DPP10: variants seen among roughly 807,000 people sequenced by gnomAD.
DPP10 encodes dipeptidyl peptidase like 10.
A neutral mutation model predicts 120.9 loss-of-function variants in DPP10; 33 were observed. That is an observed-to-expected ratio of 0.27 (90% CI 0.21 to 0.37). The LOEUF (loss-of-function observed/expected upper bound fraction) is 0.37, where lower values mean the gene tolerates loss of function less well. DPP10 is among the 10% of genes least tolerant of loss of function. The pLI, the probability that DPP10 is intolerant of heterozygous loss-of-function variation, is 1.00. For synonymous variants in DPP10, 337 were observed against 326.1 expected (o/e 1.03, Z -0.36); for missense variants, 816 against 942.8 (o/e 0.87, Z 1.76).
rs547399888 is a variant in DPP10, at chr2:115,445,198, C to A, written c.272-54312C>A. ...ATGCAGAACTGTGAGTCAATTAAAT[C>A]TCTTTCCTTTATGAATTACACAGTC... On this transcript the variant is annotated intron_variant, in intron 3 of 25. Transcript: ENST00000410059. 7.8e-4 allele frequency among the ~76,000 whole-genome samples: 119 copies of A among 152,262 alleles called. 1 individual carries two copies. Among genetic ancestry groups the A allele is most frequent in the African/African-American group, 2.7e-3 (112 of 41,538 alleles).
chr2:115,273,821 C>T (rs923479665), intron 1 of DPP10, among the ~76,000 whole-genome samples: 9 of 152,178 alleles, frequency 5.9e-5, no homozygotes, highest in Non-Finnish European at 8.8e-5. Flanking sequence ...GAATTTGGAA[C>T]GAGGCCAATT....
At chr2:115,243,283 C>T (rs764206923) in intron 1 of DPP10, among the ~76,000 whole-genome samples, 5 of 152,058 alleles carry the variant, frequency 3.3e-5, no homozygotes, top group Admixed American at 6.6e-5. Context: ...AGGGTGATTT[C>T]GATGGGCCCA....
chr2:114,637,519 T>G (rs1330724588), intron 1 of DPP10, among the ~76,000 whole-genome samples: 1 of 151,872 alleles, frequency 6.6e-6, no homozygotes, highest in East Asian at 1.9e-4. Context: ...TTTGTTTTTG[T>G]TTCAGTTGCT....
chr2:115,207,615 C>T (rs1030208358), intron 1 of DPP10, among the ~76,000 whole-genome samples: 8 of 152,000 alleles, frequency 5.3e-5, no homozygotes, highest in Admixed American at 1.3e-4. Context: ...ACTTTTCAAA[C>T]GCAAGAGAGC....
In DPP10 at chr2:115,130,501, T is replaced by TCTATCC. The variant is rs2050293271; in HGVS notation, c.61-178738_61-178737insCTATCC. On this transcript the variant is annotated intron_variant, in intron 1 of 25. Coordinates refer to ENST00000410059, the MANE Select transcript of DPP10 (RefSeq NM_020868.6). ...CCATCCATGCATCCATCCATCCATC[T>TCTATCC]ATCCATCCATCCATCCATCCATCCA... 4.9e-4 allele frequency among the ~76,000 whole-genome samples: 71 copies of TCTATCC among 144,976 alleles called. 1 individual carries two copies. The highest frequency in any genetic ancestry group is 1.7e-3 in the African/African-American group (67 of 38,548).
At chr2:115,366,519 CTTAA>C (rs1385074892) in intron 3 of DPP10, among the ~76,000 whole-genome samples, 19 of 151,976 alleles carry the variant, frequency 1.3e-4, no homozygotes, top group African/African-American at 1.7e-4. Context: ...TTTTAACTGT[CTTAA>C]TTGTTTTAGA....
At chr2:115,660,635 C>T (rs1391482140) in intron 5 of DPP10, among the ~76,000 whole-genome samples, 1 of 103,010 alleles carries the variant, frequency 9.7e-6, no homozygotes, top group Non-Finnish European at 2.0e-5. Context: ...TCATTCCTTC[C>T]TTTCATTCTC....
intron 24 of DPP10, among the ~76,000 whole-genome samples, chr2:115,838,839 C>T (rs908795731): frequency 6.6e-6 from 1 of 152,114 alleles, no homozygotes; most frequent in Non-Finnish European, 1.5e-5. Context: ...CCACACAACC[C>T]ATACGGGCCT....
intron 3 of DPP10, among the ~76,000 whole-genome samples, chr2:115,462,045 A>G (rs1191542056): frequency 6.6e-6 from 1 of 152,174 alleles, no homozygotes; most frequent in East Asian, 1.9e-4. Context: ...ATTTTCTTCT[A>G]AAGAATTGGG....
intron 1 of DPP10, among the ~76,000 whole-genome samples, chr2:114,497,284 T>A (rs1159688422): frequency 1.5e-5 from 1 of 64,962 alleles, no homozygotes; most frequent in African/African-American, 5.5e-5. Flanking sequence ...TGTATACGTG[T>A]ATACATGTAC....
intron 1 of DPP10, chr2:115,162,140 C>T (rs1553503677): frequency 2.6e-6 from 4 of 1,533,390 alleles, no homozygotes; most frequent in Admixed American, 2.0e-5. Context: ...TTCTCACCCT[C>T]CCCCGCCCCG....
chr2:114,909,242 T>C (rs1279387533), intron 1 of DPP10, among the ~76,000 whole-genome samples: 1 of 152,126 alleles, frequency 6.6e-6, no homozygotes, highest in Admixed American at 6.5e-5. Flanking sequence ...GATTAACACA[T>C]GGATAATTAA....
intron 3 of DPP10, among the ~76,000 whole-genome samples, chr2:115,379,764 G>A (rs542049824): frequency 1.3e-3 from 191 of 152,098 alleles, no homozygotes; most frequent in African/African-American, 4.4e-3. Context: ...ATTTGTTCTC[G>A]TTGGTTTCAA....
At chr2:115,601,698 C>T (rs537107771) in intron 5 of DPP10, among the ~76,000 whole-genome samples, 170 of 152,190 alleles carry the variant, frequency 1.1e-3, no homozygotes, top group Admixed American at 3.4e-3. Flanking sequence ...TAAATGGAGA[C>T]GGAGTCTTTC....
chr2:115,159,039 T>C (rs1573825136), intron 1 of DPP10, among the ~76,000 whole-genome samples: 6 of 152,024 alleles, frequency 3.9e-5, no homozygotes, highest in Admixed American at 3.3e-4. Flanking sequence ...TTTAAACATA[T>C]ACAAATAATT....
chr2:115,410,050 G>A (rs951036479), intron 3 of DPP10, among the ~76,000 whole-genome samples: 4 of 152,286 alleles, frequency 2.6e-5, no homozygotes, highest in African/African-American at 9.6e-5. Context: ...TGTATAAGGT[G>A]TAAGGAAGGA....
Position 115,087,533 on chromosome 2 carries a change from C to CTTTT in DPP10, c.61-221705_61-221702dup, listed in dbSNP as rs1310507943. On this transcript the variant is annotated intron_variant, in intron 1 of 25. Transcript: ENST00000410059. ...TCTTTTTCTTTCTTTCTTTTCTTTTCTTTTCTTTTTTTTTTTTTTTTTTGA... is the reference window on the plus strand; with the variant it reads ...TCTTTTTCTTTCTTTCTTTTCTTTTCTTTTTTTTCTTTTTTTTTTTTTTTTTTGA... Among the ~76,000 whole-genome samples, 44 of 92,602 alleles carry CTTTT rather than the reference C, an allele frequency of 4.8e-4. 2 individuals are homozygous for CTTTT. The South Asian group carries it at 6.6e-3, about 14-fold the overall frequency. 60.8% of individuals were successfully genotyped at this position (92,602 alleles called of 152,430 possible). A position where few individuals can be genotyped will look rare whatever the true frequency, so the allele number is the denominator to read the frequency against.
intron 1 of DPP10, among the ~76,000 whole-genome samples, chr2:114,660,172 T>C (rs1233449439): frequency 5.9e-5 from 9 of 152,100 alleles, no homozygotes; most frequent in Admixed American, 5.9e-4. Flanking sequence ...GGGAAGGAAA[T>C]AGGTGGGCTA....
chr2:114,694,931 A>G (rs1280122332), intron 1 of DPP10, among the ~76,000 whole-genome samples: 3 of 152,042 alleles, frequency 2.0e-5, no homozygotes, highest in Non-Finnish European at 4.4e-5. Flanking sequence ...CCAAGAAACT[A>G]CATGATATTT....
Sources: gnomAD v4.1 joint callset for allele counts (sites outside exome capture counted in the v4.1 genomes callset) on GRCh38, gnomAD v4.1.1 for gene constraint, MANE v1.5 for transcripts, NCBI Gene and HGNC (gene_info 2026-07-23, HGNC 2026-07-21) for gene names.